Variants in EYS observed in about 807,000 individuals in gnomAD.
EYS encodes the protein protein eyes shut homolog.
A neutral mutation model predicts 282.1 loss-of-function variants in EYS; 250 were observed. The ratio of observed to expected loss-of-function variants is 0.89; its 90% CI spans 0.80 to 0.98. The LOEUF (loss-of-function observed/expected upper bound fraction) is 0.98. EYS is among the 50% of genes least tolerant of loss of function. The pLI, the probability that EYS is intolerant of heterozygous loss-of-function variation, is 0.00. For synonymous variants in EYS, 1,355 were observed against 1,282.9 expected (o/e 1.06, Z -1.20); for missense variants, 4,016 against 3,709.0 (o/e 1.08, Z -2.15).
At chr6:65,493,103 C>T (rs1190255013) in intron 4 of EYS, among the ~76,000 whole-genome samples, 9 of 152,022 alleles carry the variant, frequency 5.9e-5, no homozygotes, top group African/African-American at 2.2e-4. Context: ...TTTGTAGAGA[C>T]GGGGTTTCAC....
chr6:63,959,876 A>G (rs963213022), intron 35 of EYS, among the ~76,000 whole-genome samples: 1 of 152,076 alleles, frequency 6.6e-6, no homozygotes, highest in African/African-American at 2.4e-5. Context: ...GGGGTAAGGG[A>G]AGGGAAAGCA....
At chr6:65,415,974 A>T (rs756206877) in intron 5 of EYS, among the ~76,000 whole-genome samples, 2 of 151,988 alleles carry the variant, frequency 1.3e-5, no homozygotes, top group Non-Finnish European at 2.9e-5. Flanking sequence ...ACAGGTTTGT[A>T]ATTTTGCAGG....
chr6:64,147,846 G>C lies in EYS; in HGVS notation c.6425-65844C>G, dbSNP rs148139515. Among the ~76,000 whole-genome samples the C allele has an allele frequency of 5.8e-4, 88 of 152,284 alleles. 2 individuals carry two copies. Among genetic ancestry groups the C allele is most frequent in the African/African-American group, 2.0e-3 (84 of 41,556 alleles). ...AGAGCACATTAGTCTGGAATGTTTAGTTACCAGATGGAGTGCAGCTTCCCT... is the reference window on the plus strand; with the variant it reads ...AGAGCACATTAGTCTGGAATGTTTACTTACCAGATGGAGTGCAGCTTCCCT... On this transcript the variant is annotated intron_variant, in intron 31 of 42. Transcript: ENST00000503581.
rs115802575 is a variant in EYS, at chr6:65,613,722, C to T, written c.-333+26056G>A. On this transcript the variant is annotated intron_variant, in intron 2 of 42. Transcript: ENST00000503581. ...ACAGAATGTAAGGATCCAGGCAATT[C>T]GTTTAACTGAGTATTGACTTTTTTC... 7.9e-5 allele frequency among the ~76,000 whole-genome samples: 12 copies of T among 151,708 alleles called. No homozygotes were observed. The East Asian group carries it at 2.1e-3, about 27-fold the overall frequency.
chr6:64,438,518 A>G (rs1014897767), intron 27 of EYS, among the ~76,000 whole-genome samples: 2 of 151,666 alleles, frequency 1.3e-5, no homozygotes, highest in African/African-American at 4.8e-5. Context: ...CTCTAAAAAT[A>G]TCTTGGGATT....
intron 7 of EYS, among the ~76,000 whole-genome samples, chr6:65,387,257 G>A (rs1222811753): frequency 2.6e-5 from 4 of 151,784 alleles, no homozygotes; most frequent in South Asian, 2.1e-4. Flanking sequence ...AGGCACTGTT[G>A]GGAACACAGC....
At chr6:64,132,129 A>G (rs913492626) in intron 31 of EYS, among the ~76,000 whole-genome samples, 4 of 152,088 alleles carry the variant, frequency 2.6e-5, no homozygotes, top group Admixed American at 6.5e-5. Flanking sequence ...TTATTGTATA[A>G]GACTAAATTA....
At position 65,288,258 on chromosome 6, in the gene EYS, T is replaced by A. The variant is rs534885000; in HGVS notation, c.2023+7605A>T. On this transcript the variant is annotated intron_variant, in intron 12 of 42. Transcript: ENST00000503581. ...GACAAACATATTATGTCTGAGGGAA[T>A]CCTATAAATAAAGAACTGGAGTGAA... 4.6e-5 allele frequency among the ~76,000 whole-genome samples: 7 copies of A among 150,948 alleles called. No homozygotes were observed. In the South Asian group the frequency reaches 1.5e-3, roughly 31 times the overall value.
At chr6:64,555,324 G>A (rs1022723690) in intron 26 of EYS, among the ~76,000 whole-genome samples, 1 of 151,770 alleles carries the variant, frequency 6.6e-6, no homozygotes, top group African/African-American at 2.4e-5. Context: ...GGGGTAGAGA[G>A]GAGAAAGGTG....
chr6:64,169,516 C>T (rs1464527530), intron 31 of EYS, among the ~76,000 whole-genome samples: 1 of 149,934 alleles, frequency 6.7e-6, no homozygotes, highest in Non-Finnish European at 1.5e-5. Context: ...CAAGCTGGGG[C>T]TAGTAAATGG....
chr6:65,357,469 C>A (rs1051094798), intron 8 of EYS, among the ~76,000 whole-genome samples: 1 of 151,942 alleles, frequency 6.6e-6, no homozygotes, highest in African/African-American at 2.4e-5. Context: ...ATTGCTCTGA[C>A]CTTTCTAGAA....
chr6:64,515,254 A>G (rs1007941842), intron 26 of EYS, among the ~76,000 whole-genome samples: 2 of 151,744 alleles, frequency 1.3e-5, no homozygotes, highest in Non-Finnish European at 2.9e-5. Flanking sequence ...TTCTCAATTG[A>G]TTAGTAAAAT....
chr6:65,037,997 C>T (rs1772821530), intron 13 of EYS, among the ~76,000 whole-genome samples: 1 of 151,574 alleles, frequency 6.6e-6, no homozygotes. Flanking sequence ...AACCTAGCTT[C>T]ATTAATTTCA....
chr6:64,152,050 A>G (rs893345891), intron 31 of EYS, among the ~76,000 whole-genome samples: 4 of 152,156 alleles, frequency 2.6e-5, no homozygotes, highest in African/African-American at 9.7e-5. Context: ...CACAAGTTCA[A>G]TGCATTCAGG....
intron 22 of EYS, among the ~76,000 whole-genome samples, chr6:64,630,622 G>T (rs889562179): frequency 6.6e-6 from 1 of 152,102 alleles, no homozygotes; most frequent in Non-Finnish European, 1.5e-5. Context: ...GAATGCTAAG[G>T]TTTGCTTTCC....
chr6:65,207,116 C>G (rs766937185), intron 12 of EYS, among the ~76,000 whole-genome samples: 1 of 151,620 alleles, frequency 6.6e-6, no homozygotes, highest in Non-Finnish European at 1.5e-5. Context: ...GGTTTTATAA[C>G]TAGAACCCCC....
At chr6:65,081,151 G>A (rs1473389157) in intron 12 of EYS, among the ~76,000 whole-genome samples, 1 of 152,006 alleles carries the variant, frequency 6.6e-6, no homozygotes, top group Non-Finnish European at 1.5e-5. Flanking sequence ...TTTTTTCTAA[G>A]CAACAGTATA....
intron 26 of EYS, among the ~76,000 whole-genome samples, chr6:64,478,901 A>G (rs920328622): frequency 1.3e-5 from 2 of 151,692 alleles, no homozygotes; most frequent in East Asian, 1.9e-4. Context: ...TTATTTTTTC[A>G]GGGTTTTAGA....
chr6:63,863,954 G>C (rs555014009), intron 36 of EYS, among the ~76,000 whole-genome samples: 1 of 152,092 alleles, frequency 6.6e-6, no homozygotes, highest in Non-Finnish European at 1.5e-5. Flanking sequence ...GATTACAGGC[G>C]TGAGCCACTG....
Sources: gnomAD v4.1 joint callset for allele counts (sites outside exome capture counted in the v4.1 genomes callset) on GRCh38, gnomAD v4.1.1 for gene constraint, MANE v1.5 for transcripts, NCBI Gene and HGNC (gene_info 2026-07-23, HGNC 2026-07-21) for gene names.